Variants in B3GNT3 observed in about 807,000 individuals in gnomAD.
B3GNT3 encodes the protein UDP-GlcNAc:betaGal beta-1,3-N-acetylglucosaminyltransferase 3, also known as N-acetyllactosaminide beta-1,3-N-acetylglucosaminyltransferase 3.
Under a neutral mutation model 11.6 loss-of-function variants are expected in B3GNT3, and 7 were observed. That is an observed-to-expected ratio of 0.60 (90% CI 0.34 to 1.13). B3GNT3 has a LOEUF of 1.13. B3GNT3 is among the 50% of genes most tolerant of loss of function. B3GNT3 has a pLI of 0.03. For synonymous variants in B3GNT3, 201 were observed against 222.1 expected (o/e 0.90, Z 0.85); for missense variants, 400 against 507.4 (o/e 0.79, Z 2.03).
chr19:17,808,795 A>C (rs534986421), intron 2 of B3GNT3, among the ~76,000 whole-genome samples: 1 of 151,998 alleles, frequency 6.6e-6, no homozygotes, highest in African/African-American at 2.4e-5. Flanking sequence ...TGGATGTCCA[A>C]CTCAACTTGG....
chr19:17,796,155 C>A (rs2094159279), intron 1 of B3GNT3, among the ~76,000 whole-genome samples: 1 of 152,092 alleles, frequency 6.6e-6, no homozygotes, highest in South Asian at 2.1e-4. Context: ...TGGCTCCATG[C>A]ACTGTATTCA....
At chr19:17,796,238 A>C (rs1189438117) in intron 1 of B3GNT3, among the ~76,000 whole-genome samples, 2 of 152,046 alleles carry the variant, frequency 1.3e-5, no homozygotes, top group Non-Finnish European at 2.9e-5. Flanking sequence ...CTACAGGTGC[A>C]CACCACAGGC....
chr19:17,803,714 G>A (rs2094169168), intron 1 of B3GNT3, among the ~76,000 whole-genome samples: 1 of 152,036 alleles, frequency 6.6e-6, no homozygotes, highest in Admixed American at 6.6e-5. Flanking sequence ...CACCAGGCAT[G>A]GTGACTGGTG....
In B3GNT3 at chr19:17,811,957, C is replaced by T; in HGVS notation, c.954C>T (p.Arg318=). ...AGCCTGCCTCCCACAGCGGCATCCGCACGTCTGGCGTGCGGGCTCCATCGC... is the reference window on the plus strand; with the variant it reads ...AGCCTGCCTCCCACAGCGGCATCCGTACGTCTGGCGTGCGGGCTCCATCGC... The part of the protein sequence containing the change: ...GLKPASHSGI[R]TSGVRAPSQR... Residue 318 remains arginine (R), a synonymous_variant, in exon 3 of 3, where the codon CGC becomes CGT. Coordinates refer to ENST00000318683, the MANE Select transcript of B3GNT3 (RefSeq NM_014256.4). This position sits in a 1 kb window ranked among gnomAD's most constrained non-coding sequence, Gnocchi z 4.1. The T allele has an allele frequency of 6.2e-7, 1 of 1,610,194 alleles. No individual in the cohort carries two copies. The highest frequency in any genetic ancestry group is 1.3e-5 in the African/African-American group (1 of 75,072).
Position 17,808,201 on chromosome 19 carries a change from C to A in B3GNT3, c.394C>A (p.Arg132Ser). 1 of 1,611,624 alleles carries A rather than the reference C, an allele frequency of 6.2e-7. No homozygotes were observed. The highest frequency in any genetic ancestry group is 8.5e-7 in the Non-Finnish European group (1 of 1,178,298). Residue 132 changes from arginine to serine, a missense_variant, in exon 2 of 3, where the codon CGC (arginine) becomes AGC (serine). Transcript: ENST00000318683. ...CGAGCTGCTGCGGCGCACGTGGGGC[C>A]GCGAGCGCAAGGTACGGGGTTTGCA... Reference protein sequence around the residue: ...RRELLRRTWGRERKVRGLQLR... With the variant: ...RRELLRRTWGSERKVRGLQLR...
At position 17,811,238 on chromosome 19, in the gene B3GNT3, T is replaced by A. The variant is rs2094180294; in HGVS notation, c.568-333T>A. Among the ~76,000 whole-genome samples, 1 of 152,056 alleles carries A rather than the reference T, an allele frequency of 6.6e-6. No homozygotes were observed. The highest frequency in any genetic ancestry group is 2.1e-4 in the South Asian group (1 of 4,826). ...CAGAAACAAACAAAATTCATACAAA[T>A]GATTATTTAACAACAGGGCTTGGCC... On this transcript the variant is annotated intron_variant, in intron 2 of 2. Transcript: ENST00000318683. This position sits in a 1 kb window ranked among gnomAD's most constrained non-coding sequence, Gnocchi z 4.1.
In B3GNT3 at chr19:17,808,213, G is replaced by A. The variant is rs769945470; in HGVS notation, c.406G>A (p.Val136Ile). 11 of 1,613,354 alleles carry A rather than the reference G, an allele frequency of 6.8e-6. No individual in the cohort carries two copies. In the South Asian group the frequency reaches 9.9e-5, roughly 14 times the overall value. ...LRRTWGRERK[V>I]RGLQLRLLFL... Reference sequence around the variant, plus strand: ...GCGCACGTGGGGCCGCGAGCGCAAGGTACGGGGTTTGCAGCTGCGCCTCCT... The same window carrying A: ...GCGCACGTGGGGCCGCGAGCGCAAGATACGGGGTTTGCAGCTGCGCCTCCT... The change falls in exon 2 of 3, where the codon GTA becomes ATA. Residue 136 changes from valine to isoleucine, a missense_variant. Val to Ile is a conservative substitution (Grantham distance 29, BLOSUM62 3). Coordinates refer to ENST00000318683, the MANE Select transcript of B3GNT3 (RefSeq NM_014256.4).
intron 2 of B3GNT3, among the ~76,000 whole-genome samples, chr19:17,810,696 A>G (rs914790571): frequency 6.6e-6 from 1 of 151,772 alleles, no homozygotes; most frequent in South Asian, 2.1e-4. Context: ...AGCCTGACCA[A>G]CATGGTGAAA....
chr19:17,804,483 C>T (rs1381164127), intron 1 of B3GNT3, among the ~76,000 whole-genome samples: 4 of 143,294 alleles, frequency 2.8e-5, no homozygotes, highest in Non-Finnish European at 6.0e-5. Context: ...CAAGTGATTG[C>T]CTCGGCTTCC....
At chr19:17,800,510 T>C (rs2094164807) in intron 1 of B3GNT3, among the ~76,000 whole-genome samples, 1 of 152,204 alleles carries the variant, frequency 6.6e-6, no homozygotes, top group South Asian at 2.1e-4. Context: ...CAGCTGCCAA[T>C]GCCTACGATT....
rs764491673 is a variant in B3GNT3 at position 17,808,177 on chromosome 19, G to C, written c.370G>C (p.Glu124Gln). 3 of 1,610,604 alleles carry C rather than the reference G, an allele frequency of 1.9e-6. No individual in the cohort carries two copies. The highest frequency in any genetic ancestry group is 2.5e-6 in the Non-Finnish European group (3 of 1,178,202). ...CTCCCCTAGCAACTATGTGCGCCGC[G>C]AGCTGCTGCGGCGCACGTGGGGCCG... is the stretch of plus-strand genomic sequence containing the variant. ...KSSPSNYVRR[E>Q]LLRRTWGRER... Residue 124 changes from glutamate to glutamine, a missense_variant, in exon 2 of 3, where the codon GAG (glutamate) becomes CAG (glutamine). Coordinates refer to ENST00000318683, the MANE Select transcript of B3GNT3 (RefSeq NM_014256.4).
intron 2 of B3GNT3, among the ~76,000 whole-genome samples, chr19:17,808,609 G>C (rs1033765604): frequency 6.6e-6 from 1 of 152,134 alleles, no homozygotes; most frequent in African/African-American, 2.4e-5. Context: ...CTGATGATGC[G>C]GATTCGAATC....
Position 17,811,680 on chromosome 19 carries a change from A to G in B3GNT3, c.677A>G (p.Asp226Gly). 6.2e-7 allele frequency: 1 copy of G among 1,614,228 alleles called. No individual in the cohort carries two copies. The highest frequency in any genetic ancestry group is 8.5e-7 in the Non-Finnish European group (1 of 1,180,044). The change falls in exon 3 of 3, where the codon GAC (aspartate) becomes GGC (glycine). Residue 226 changes from aspartate (D) to glycine (G), a missense_variant. By Grantham distance (94) the Asp-to-Gly change is moderately conservative. Transcript: ENST00000318683. The surrounding 1 kb of genome is among the most constrained non-coding windows in gnomAD (Gnocchi z 4.1). ...GACAACATGGTCTTCTACCTGCAGG[A>G]CCATGACCCTGGCCGCCACCTCTTC... ...HTDNMVFYLQ[D>G]HDPGRHLFVG...
At chr19:17,804,533 C>CATTTTTT (rs987013912) in intron 1 of B3GNT3, among the ~76,000 whole-genome samples, 1 of 57,016 alleles carries the variant, frequency 1.8e-5, no homozygotes. Flanking sequence ...CCGTGCCCAG[C>CATTTTTT]TTTTTTTTTT....
In B3GNT3 at chr19:17,807,628, G is replaced by A. The variant is rs1014556351; in HGVS notation, c.-50-130G>A. The A allele has an allele frequency of 6.7e-5, 41 of 614,842 alleles. 1 individual carries two copies. Among genetic ancestry groups the A allele is most frequent in the Non-Finnish European group, 1.1e-4 (40 of 356,024 alleles). 38.1% of individuals were successfully genotyped at this position (614,842 alleles called of 1,614,324 possible). On this transcript the variant is annotated intron_variant, in intron 1 of 2. Transcript: ENST00000318683. ...TGAAATGGGTCTTGCAAGGGGTGGA[G>A]GAGTTAAGTGGGGGGTGAATTTCAA...
At position 17,812,196 on chromosome 19, in the gene B3GNT3, G is replaced by C; in HGVS notation, c.*74G>C. 2 of 1,458,552 alleles carry C rather than the reference G, an allele frequency of 1.4e-6. No individual in the cohort carries two copies. The highest frequency in any genetic ancestry group is 1.8e-6 in the Non-Finnish European group (2 of 1,101,902). 90.4% of individuals were successfully genotyped at this position (1,458,552 alleles called of 1,614,324 possible). A position where few individuals can be genotyped will look rare whatever the true frequency, so the allele number is the denominator to read the frequency against. ...GGCGACACCTTCCTCCCAGGAAGCT[G>C]AGACCTTTGTGGTCTGAGCATAAGG... On this transcript the variant is annotated 3_prime_UTR_variant, in exon 3 of 3. Transcript: ENST00000318683.
At position 17,808,390 on chromosome 19, in the gene B3GNT3, G is replaced by T. The variant is rs1599849061; in HGVS notation, c.567+16G>T. 1 of 1,585,002 alleles carries T rather than the reference G, an allele frequency of 6.3e-7. No individual in the cohort carries two copies. Among genetic ancestry groups the T allele is most frequent in the Non-Finnish European group, 8.6e-7 (1 of 1,162,544 alleles). ...GCTCAAGCAGGTGCGCTGGACTGGG[G>T]TCACCTGATCGGGGCCACCTGTCCT... is the stretch of plus-strand genomic sequence containing the variant. On this transcript the variant is annotated intron_variant, in intron 2 of 2. Coordinates refer to ENST00000318683, the MANE Select transcript of B3GNT3 (RefSeq NM_014256.4).
At position 17,807,869 on chromosome 19, in the gene B3GNT3, C is replaced by T. The variant is rs771215362; in HGVS notation, c.62C>T (p.Thr21Ile). 2 of 1,613,488 alleles carry T rather than the reference C, an allele frequency of 1.2e-6. No homozygotes were observed. Among genetic ancestry groups the T allele is most frequent in the Non-Finnish European group, 1.7e-6 (2 of 1,180,000 alleles). ...ATLILAIGAF[T>I]LLLFSLLVSP... ...CTCATTCTGGCCATCGGCGCTTTCA[C>T]CCTCCTCCTCTTCAGTCTGCTAGTG... Residue 21 changes from threonine to isoleucine, a missense_variant, in exon 2 of 3, where the codon ACC becomes ATC. Thr to Ile is a moderately conservative substitution (Grantham distance 89). Transcript: ENST00000318683.
Position 17,807,960 on chromosome 19 carries a change from TCCA to T in B3GNT3, c.156_158del (p.Pro53del). ...TCCCCGAGGCCCTGGCCTGGCCCAC[TCCA>T]CCCACCCGCCCAGCCCCGGCCCCGT... On this transcript the variant is annotated inframe_deletion, in exon 2 of 3. Transcript: ENST00000318683. 17 of 1,609,446 alleles carry T rather than the reference TCCA, an allele frequency of 1.1e-5. No homozygotes were observed. Among genetic ancestry groups the T allele is most frequent in the Non-Finnish European group, 1.4e-5 (16 of 1,178,036 alleles).
Sources: gnomAD v4.1 joint callset for allele counts (sites outside exome capture counted in the v4.1 genomes callset) on GRCh38, gnomAD v4.1.1 for gene constraint, Gnocchi (gnomAD v3.1) non-coding constraint, MANE v1.5 for transcripts, NCBI Gene and HGNC (gene_info 2026-07-23, HGNC 2026-07-21) for gene names.